The following SGK3 variants were observed in gnomAD, a reference collection of about 807,000 sequenced individuals.
SGK3 encodes serine/threonine-protein kinase Sgk3.
In SGK3, 47 loss-of-function variants were observed where a neutral mutation model predicts 68.5. The ratio of observed to expected loss-of-function variants is 0.69; its 90% confidence interval spans 0.54 to 0.87. SGK3 has a LOEUF of 0.87. Among genes scored for constraint, SGK3 ranks in the 40% least tolerant of loss-of-function variants. SGK3 has a pLI of 0.00. For synonymous variants in SGK3, 181 were observed against 189.1 expected, an observed-to-expected ratio of 0.96 and a Z score of 0.35; for missense variants, 479 against 575.5, an observed-to-expected ratio of 0.83 and a Z score of 1.72.
At chr8:66,841,794 A>T (rs375026815) in intron 13 of SGK3, among the ~76,000 whole-genome samples, 7 of 152,324 alleles carry the variant, frequency 4.6e-5, no homozygotes, top group African/African-American at 1.4e-4. Context: ...TAATCATGTT[A>T]GCTAGCAAAA....
At chr8:66,842,918 A>G (rs1809854679) in intron 13 of SGK3, among the ~76,000 whole-genome samples, 1 of 152,054 alleles carries the variant, frequency 6.6e-6, no homozygotes, top group Non-Finnish European at 1.5e-5. Context: ...AAAAATACGA[A>G]AAACTATCCA....
rs190497363 is a variant in SGK3 at position 66,728,598 on chromosome 8, A to T, written c.-122+15765A>T. ...CACCTTGGCCTCCAAAAGTGCTGGG[A>T]TTACAGGTGTGAGCCACTGCTCCCA... On this transcript the variant is annotated intron_variant, in intron 1 of 16. Coordinates refer to ENST00000521198, the MANE Select transcript of SGK3 (RefSeq NM_001033578.3). Among the ~76,000 whole-genome samples the T allele has an allele frequency of 2.1e-4, 32 of 152,200 alleles. No homozygotes were observed. The East Asian group carries it at 4.3e-3, about 20-fold the overall frequency.
intron 1 of SGK3, among the ~76,000 whole-genome samples, chr8:66,754,616 C>G (rs1805918885): frequency 6.6e-6 from 1 of 152,216 alleles, no homozygotes; most frequent in African/African-American, 2.4e-5. Flanking sequence ...TTCATATACA[C>G]CTTATGCACA....
intron 15 of SGK3, among the ~76,000 whole-genome samples, 162 bp downstream of exon 15, chr8:66,847,510 A>G (rs1470757139): frequency 6.6e-6 from 1 of 152,226 alleles, no homozygotes; most frequent in Non-Finnish European, 1.5e-5. Flanking sequence ...CTGTATTTAT[A>G]TAAAACTATG....
At chr8:66,818,505 C>T (rs758544482) in intron 5 of SGK3, among the ~76,000 whole-genome samples, 1 of 152,136 alleles carries the variant, frequency 6.6e-6, no homozygotes, top group Non-Finnish European at 1.5e-5. Flanking sequence ...ATTATATCAT[C>T]CCCTTAGGCC....
intron 1 of SGK3, among the ~76,000 whole-genome samples, chr8:66,793,289 G>A (rs1807539519): frequency 6.6e-6 from 1 of 152,172 alleles, no homozygotes. Context: ...CACTTGACCA[G>A]TTCATCCTGA....
In SGK3 at chr8:66,835,847, G is replaced by A. The variant is rs1281327170; in HGVS notation, c.609+1G>A. 1 of 1,609,986 alleles carries A rather than the reference G, an allele frequency of 6.2e-7. No individual in the cohort carries two copies. The highest frequency in any genetic ancestry group is 1.3e-5 in the African/African-American group (1 of 74,640). On this transcript the variant is annotated splice_donor_variant, in intron 9 of 16. Transcript: ENST00000521198. LOFTEE classifies it high-confidence loss of function. The stretch of plus-strand genomic sequence containing the variant: ...AAAAATAGTTCTCAACAGAAAAGAG[G>A]TAAAATAAAATAGTTGTTTCTCTCA...
chr8:66,853,957 A>G (rs1009375976), intron 16 of SGK3, among the ~76,000 whole-genome samples: 4 of 152,192 alleles, frequency 2.6e-5, no homozygotes, highest in African/African-American at 9.7e-5. Context: ...AACCAACACA[A>G]AACAAGTGCC....
intron 1 of SGK3, among the ~76,000 whole-genome samples, chr8:66,733,673 A>C (rs2130374575): frequency 6.6e-6 from 1 of 152,250 alleles, no homozygotes; most frequent in East Asian, 1.9e-4. Context: ...CTTAGATTTT[A>C]AATTACTCAA....
intron 8 of SGK3, 42 bp downstream of exon 8, chr8:66,831,353 G>A (rs377492132): frequency 2.7e-4 from 375 of 1,412,250 alleles, no homozygotes; most frequent in Admixed American, 6.2e-4. Flanking sequence ...TTTGGTTTTG[G>A]TTTTTTTTTT....
chr8:66,839,644 C>G (rs1247845288), intron 10 of SGK3, among the ~76,000 whole-genome samples: 1 of 147,236 alleles, frequency 6.8e-6, no homozygotes, highest in Non-Finnish European at 1.5e-5. Context: ...AAACATAGTC[C>G]AGAAAGGCCC....
At chr8:66,783,465 A>T (rs1044660830) in intron 1 of SGK3, among the ~76,000 whole-genome samples, 1 of 152,148 alleles carries the variant, frequency 6.6e-6, no homozygotes. Flanking sequence ...CATTTGCAAA[A>T]TCATTGCCAT....
chr8:66,813,151 G>C (rs1808446174), intron 4 of SGK3, among the ~76,000 whole-genome samples: 1 of 152,172 alleles, frequency 6.6e-6, no homozygotes, highest in Admixed American at 6.5e-5. Context: ...CTACTTGGCA[G>C]GCTGAGGCAG....
At chr8:66,810,222 C>T (rs1369839267) in intron 4 of SGK3, among the ~76,000 whole-genome samples, 2 of 148,288 alleles carry the variant, frequency 1.3e-5, no homozygotes, top group African/African-American at 2.5e-5. Context: ...ATTCCCCCCA[C>T]ACCAAAAAAA....
chr8:66,732,524 A>C (rs925712262), intron 1 of SGK3, among the ~76,000 whole-genome samples: 1 of 151,978 alleles, frequency 6.6e-6, no homozygotes, highest in African/African-American at 2.4e-5. Flanking sequence ...GCCTTGTAGC[A>C]CATATAAAAA....
chr8:66,823,975 G>A (rs1021830584), intron 6 of SGK3, among the ~76,000 whole-genome samples: 1 of 151,988 alleles, frequency 6.6e-6, no homozygotes, highest in African/African-American at 2.4e-5. Flanking sequence ...TTTTAATTTT[G>A]TTATGGTTCT....
chr8:66,788,037 C>T (rs2130552570), intron 1 of SGK3, among the ~76,000 whole-genome samples: 1 of 152,314 alleles, frequency 6.6e-6, no homozygotes, highest in East Asian at 1.9e-4. Flanking sequence ...CTGGCCGGTG[C>T]CAGCACACTG....
At chr8:66,818,176 G>A (rs1188561729) in intron 5 of SGK3, among the ~76,000 whole-genome samples, 1 of 152,044 alleles carries the variant, frequency 6.6e-6, no homozygotes, top group Non-Finnish European at 1.5e-5. Context: ...TCATAAGTAA[G>A]TAAAATTGAA....
Position 66,754,058 on chromosome 8 carries a change from G to T in SGK3, c.-121-39558G>T, listed in dbSNP as rs571971531. On this transcript the variant is annotated intron_variant, in intron 1 of 16. Transcript: ENST00000521198. ...AGTGCTGGAGGCTCTTTGGAGCTTT[G>T]TTTGATTTGTAACCCCCTTTTGCAG... 2.6e-4 allele frequency among the ~76,000 whole-genome samples: 40 copies of T among 152,238 alleles called. No homozygotes were observed. In the South Asian group the frequency reaches 8.1e-3, roughly 31 times the overall value.
Sources: allele counts gnomAD v4.1 joint callset (sites outside exome capture counted in the v4.1 genomes callset), GRCh38; gene constraint gnomAD v4.1.1; transcripts MANE v1.5; gene names NCBI Gene and HGNC (gene_info 2026-07-23, HGNC 2026-07-21).